Variants in KCNQ3 observed in about 807,000 individuals in gnomAD.
KCNQ3 encodes the protein potassium voltage-gated channel subfamily Q member 3.
Under a neutral mutation model 92.5 loss-of-function variants are expected in KCNQ3, and 30 were observed. The ratio of observed to expected loss-of-function variants is 0.32; its 90% CI spans 0.24 to 0.44. The LOEUF (loss-of-function observed/expected upper bound fraction) is 0.44, where lower values mean the gene tolerates loss of function less well. Among genes scored for constraint, KCNQ3 ranks in the 20% least tolerant of loss-of-function variants. The probability of loss-of-function intolerance (pLI) is 1.00; values close to 1 mark genes in which losing one functional copy is unlikely to be tolerated. For missense variants in KCNQ3, 913 were observed against 1,140.3 expected (o/e 0.80, Z 2.87); for synonymous variants, 450 against 468.8 (o/e 0.96, Z 0.52).
intron 12 of KCNQ3, among the ~76,000 whole-genome samples, chr8:132,135,765 G>T (rs1357938971): frequency 1.3e-5 from 2 of 151,930 alleles, no homozygotes; most frequent in African/African-American, 4.8e-5. Flanking sequence ...TATTCATTCG[G>T]CAGGCAGTGA....
chr8:132,198,528 G>A (rs1311449484), intron 1 of KCNQ3, among the ~76,000 whole-genome samples: 1 of 152,176 alleles, frequency 6.6e-6, no homozygotes, highest in Non-Finnish European at 1.5e-5. Context: ...CAGGAGTAAC[G>A]GCTGAGCACA....
rs190771598 is a variant in KCNQ3 at position 132,362,651 on chromosome 8, A to T, written c.386+117496T>A. Among the ~76,000 whole-genome samples the T allele has an allele frequency of 3.5e-3, 536 of 152,324 alleles. 2 individuals carry two copies. Among genetic ancestry groups the T allele is most frequent in the Non-Finnish European group, 4.3e-3 (294 of 68,026 alleles). On this transcript the variant is annotated intron_variant, in intron 1 of 14. Transcript: ENST00000388996. ...AGTCACCAAGGTACTTTGACACCAG[A>T]AAGTGGAACATTTGAGCCAGGCTAT...
chr8:132,173,213 G>A (rs1826440108), intron 6 of KCNQ3, among the ~76,000 whole-genome samples: 1 of 152,132 alleles, frequency 6.6e-6, no homozygotes, highest in Admixed American at 6.5e-5. Flanking sequence ...ACTTGCCAGT[G>A]GATTAAGTGG....
At chr8:132,210,395 AG>A (rs1028813916) in intron 1 of KCNQ3, among the ~76,000 whole-genome samples, 1 of 152,264 alleles carries the variant, frequency 6.6e-6, no homozygotes, top group Non-Finnish European at 1.5e-5. Context: ...GCAGTCAGAA[AG>A]AATGGGGTTT....
At chr8:132,327,679 T>G (rs1322531419) in intron 1 of KCNQ3, among the ~76,000 whole-genome samples, 5 of 152,186 alleles carry the variant, frequency 3.3e-5, no homozygotes, top group African/African-American at 1.2e-4. Flanking sequence ...CCCAAGTACC[T>G]GCTGGGCTCC....
chr8:132,350,434 G>A (rs139104592), intron 1 of KCNQ3, among the ~76,000 whole-genome samples: 75 of 152,108 alleles, frequency 4.9e-4, no homozygotes, highest in African/African-American at 1.7e-3. Flanking sequence ...GTAAGATCCC[G>A]AAGTCCACCG....
chr8:132,416,943 C>T (rs1184696158), intron 1 of KCNQ3, among the ~76,000 whole-genome samples: 6 of 152,180 alleles, frequency 3.9e-5, no homozygotes, highest in Admixed American at 2.0e-4. Flanking sequence ...GAAGGGCTAA[C>T]ATGTGCAAGG....
chr8:132,452,994 G>A (rs1201453224), intron 1 of KCNQ3, among the ~76,000 whole-genome samples: 1 of 138,316 alleles, frequency 7.2e-6, no homozygotes, highest in African/African-American at 2.8e-5. Flanking sequence ...TGCTTGGAAG[G>A]ATATAAAAAT....
At chr8:132,286,170 A>G (rs1466080703) in intron 1 of KCNQ3, among the ~76,000 whole-genome samples, 1 of 152,158 alleles carries the variant, frequency 6.6e-6, no homozygotes, top group Non-Finnish European at 1.5e-5. Flanking sequence ...GGCCACTGTC[A>G]GGGCCCCAGA....
chr8:132,218,441 C>T (rs1271080759), intron 1 of KCNQ3, among the ~76,000 whole-genome samples: 2 of 152,188 alleles, frequency 1.3e-5, no homozygotes, highest in Non-Finnish European at 2.9e-5. Flanking sequence ...ATTCTAACCA[C>T]AGTTTTGACC....
intron 1 of KCNQ3, among the ~76,000 whole-genome samples, chr8:132,463,889 C>T (rs1386337396): frequency 3.3e-5 from 5 of 152,192 alleles, no homozygotes; most frequent in East Asian, 1.9e-4. Context: ...CTCGGCTCAC[C>T]GCAACCTCCG....
intron 1 of KCNQ3, among the ~76,000 whole-genome samples, chr8:132,372,088 T>TC (rs1396140580): frequency 6.6e-6 from 1 of 152,054 alleles, no homozygotes; most frequent in African/African-American, 2.4e-5. Flanking sequence ...GCCCTATCCT[T>TC]CCCCATGCTG....
At chr8:132,448,502 G>GAAAAAAAAAGAAAAAA in intron 1 of KCNQ3, among the ~76,000 whole-genome samples, 1 of 93,886 alleles carries the variant, frequency 1.1e-5, no homozygotes, top group Non-Finnish European at 2.1e-5. Flanking sequence ...GGAGAAATAT[G>GAAAAAAAAAGAAAAAA]AAAAAAAAAA....
At chr8:132,287,656 C>T (rs547854707) in intron 1 of KCNQ3, among the ~76,000 whole-genome samples, 1 of 152,124 alleles carries the variant, frequency 6.6e-6, no homozygotes, top group East Asian at 1.9e-4. Context: ...TTTGGTGGAT[C>T]ATTATGCTAA....
intron 1 of KCNQ3, among the ~76,000 whole-genome samples, chr8:132,224,577 A>G (rs1364347067): frequency 6.6e-6 from 1 of 152,158 alleles, no homozygotes; most frequent in Non-Finnish European, 1.5e-5. Flanking sequence ...ACTCTCAAGA[A>G]CCAAACCCAA....
intron 1 of KCNQ3, among the ~76,000 whole-genome samples, chr8:132,457,819 C>T (rs1405846183): frequency 6.6e-6 from 1 of 152,184 alleles, no homozygotes; most frequent in Non-Finnish European, 1.5e-5. Flanking sequence ...TGGGGCAAGA[C>T]ATATTATCCT....
rs1029455863 is a variant in KCNQ3 at position 132,176,954 on chromosome 8, G to A, written c.778-1346C>T. On this transcript the variant is annotated intron_variant, in intron 4 of 14. Transcript: ENST00000388996. Reference sequence around the variant, plus strand: ...AGGGGTTCACTTAGATAATACAGGCGACCCAGCCAGCCATTCTCTTTGGTG... The same window carrying A: ...AGGGGTTCACTTAGATAATACAGGCAACCCAGCCAGCCATTCTCTTTGGTG... Among the ~76,000 whole-genome samples the A allele has an allele frequency of 3.9e-5, 6 of 152,278 alleles. No homozygotes were observed. In the East Asian group the frequency reaches 7.7e-4, roughly 20 times the overall value.
intron 1 of KCNQ3, among the ~76,000 whole-genome samples, chr8:132,304,745 C>T (rs6471058): frequency 6.6e-6 from 1 of 151,572 alleles, no homozygotes; most frequent in Non-Finnish European, 1.5e-5. Flanking sequence ...AGACTTTTGG[C>T]TGTAAAAGTC....
At chr8:132,380,295 G>A (rs1819713209) in intron 1 of KCNQ3, among the ~76,000 whole-genome samples, 1 of 152,126 alleles carries the variant, frequency 6.6e-6, no homozygotes, top group South Asian at 2.1e-4. Context: ...TTCTTGTGGG[G>A]CTACCACAGA....
Sources: gnomAD v4.1 joint callset for allele counts (sites outside exome capture counted in the v4.1 genomes callset) on GRCh38, gnomAD v4.1.1 for gene constraint, MANE v1.5 for transcripts, NCBI Gene and HGNC (gene_info 2026-07-23, HGNC 2026-07-21) for gene names.